KATNIP: variants seen among roughly 807,000 people sequenced by gnomAD.
The protein encoded by KATNIP is katanin interacting protein, also known as katanin-interacting protein.
Under a neutral mutation model 174.0 loss-of-function variants are expected in KATNIP, and 126 were observed. The observed-to-expected ratio is 0.72, with a 90% CI of 0.63 to 0.84. The LOEUF (loss-of-function observed/expected upper bound fraction) is 0.84, where lower values mean the gene tolerates loss of function less well. Among genes scored for constraint, KATNIP ranks in the 40% least tolerant of loss-of-function variants. The probability of loss-of-function intolerance (pLI) is 0.00; values close to 1 mark genes in which losing one functional copy is unlikely to be tolerated. For missense variants in KATNIP, 1,958 were observed against 2,109.7 expected, an observed-to-expected ratio of 0.93 and a Z score of 1.41; for synonymous variants, 810 against 835.7, an observed-to-expected ratio of 0.97 and a Z score of 0.53.
chr16:27,624,735 G>A (rs2142109896), intron 3 of KATNIP, among the ~76,000 whole-genome samples: 1 of 152,216 alleles, frequency 6.6e-6, no homozygotes, highest in African/African-American at 2.4e-5. Context: ...TGGGAGGATT[G>A]CTTGAGCCCA....
rs750894792 is a variant in KATNIP, at chr16:27,662,049, CATAT to C, written c.540+13334_540+13337del. ...ATATATATATATATATATACACATA[CATAT>C]ATATATATATATATATATACACACA... is the stretch of plus-strand genomic sequence containing the variant. On this transcript the variant is annotated intron_variant, in intron 6 of 27. Transcript: ENST00000261588. 3.0e-3 allele frequency among the ~76,000 whole-genome samples: 26 copies of C among 8,624 alleles called. 5 individuals are homozygous for C. Among genetic ancestry groups the C allele is most frequent in the Non-Finnish European group, 4.0e-3 (19 of 4,718 alleles). The allele number at this position is 8,624 out of a possible 152,430, so 5.7% of individuals were successfully genotyped here. A position where few individuals can be genotyped will look rare whatever the true frequency, so the allele number is the denominator to read the frequency against.
chr16:27,738,861 C>T (rs867774009), intron 14 of KATNIP, among the ~76,000 whole-genome samples: 19 of 152,272 alleles, frequency 1.2e-4, no homozygotes, highest in African/African-American at 4.1e-4. Context: ...GGTGCTCTGC[C>T]GTGGGAGCAC....
At chr16:27,668,435 C>CA (rs2077764395) in intron 6 of KATNIP, among the ~76,000 whole-genome samples, 1 of 152,190 alleles carries the variant, frequency 6.6e-6, no homozygotes, top group Non-Finnish European at 1.5e-5. Flanking sequence ...TGCCTACTGC[C>CA]ATCCATGTAA....
Position 27,701,584 on chromosome 16 carries a change from C to A in KATNIP, c.1180-5C>A. On this transcript the variant is annotated splice_region_variant and splice_polypyrimidine_tract_variant and intron_variant, in intron 10 of 27. Coordinates refer to ENST00000261588, the MANE Select transcript of KATNIP (RefSeq NM_015202.5). ...CATCTGTTTAATAAGCCTTTCCATC[C>A]TCAGCTGCTTCCCATCACCACGGCG... 1.3e-6 allele frequency: 2 copies of A among 1,577,970 alleles called. No individual in the cohort carries two copies. Among genetic ancestry groups the A allele is most frequent in the Admixed American group, 1.8e-5 (1 of 55,006 alleles).
chr16:27,664,995 G>A lies in KATNIP; in HGVS notation c.541-12734G>A, dbSNP rs76298522. Among the ~76,000 whole-genome samples, 1,501 of 152,152 alleles carry A rather than the reference G, an allele frequency of 9.9e-3. 31 individuals are homozygous for A. Among genetic ancestry groups the A allele is most frequent in the African/African-American group, 0.034 (1,400 of 41,504 alleles). ...ATATTAAGTAAGGGGCAGCAGAGAGGCTCACCCGTAGGCTGAAGCCAGGGG... is the reference window on the plus strand; with the variant it reads ...ATATTAAGTAAGGGGCAGCAGAGAGACTCACCCGTAGGCTGAAGCCAGGGG... On this transcript the variant is annotated intron_variant, in intron 6 of 27. Coordinates refer to ENST00000261588, the MANE Select transcript of KATNIP (RefSeq NM_015202.5).
chr16:27,647,104 G>C (rs2076979572), intron 5 of KATNIP, among the ~76,000 whole-genome samples: 1 of 150,632 alleles, frequency 6.6e-6, no homozygotes, highest in Non-Finnish European at 1.5e-5. Flanking sequence ...TGGAACTACA[G>C]GCAGTAGAAG....
chr16:27,703,134 T>G (rs148650707), intron 11 of KATNIP, among the ~76,000 whole-genome samples: 1,784 of 150,420 alleles, frequency 0.012, 47 homozygotes, highest in African/African-American at 0.041. Context: ...GCCATTGCAC[T>G]CCAGCCTGGG....
intron 3 of KATNIP, among the ~76,000 whole-genome samples, chr16:27,622,167 T>C (rs114383201): frequency 0.022 from 3,323 of 152,058 alleles, 140 homozygotes; most frequent in African/African-American, 0.076. Flanking sequence ...ATGGGGGAGA[T>C]TCCTGGCCAG....
At position 27,637,552 on chromosome 16, in the gene KATNIP, G is replaced by A. The variant is rs2076673779; in HGVS notation, c.408+6390G>A. On this transcript the variant is annotated intron_variant, in intron 5 of 27. Transcript: ENST00000261588. This position sits in a 1 kb window ranked among gnomAD's most constrained non-coding sequence, Gnocchi z 4.7. ...GCACAGCCTCCCAAGGGGCCGCATCGCAGCCAGGGCCTGAGAGTTACCTGG... is the reference window on the plus strand; with the variant it reads ...GCACAGCCTCCCAAGGGGCCGCATCACAGCCAGGGCCTGAGAGTTACCTGG... 6.6e-6 allele frequency among the ~76,000 whole-genome samples: 1 copy of A among 152,298 alleles called. No individual in the cohort carries two copies. Among genetic ancestry groups the A allele is most frequent in the East Asian group, 1.9e-4 (1 of 5,164 alleles).
chr16:27,758,911 G>C (rs1455446311), intron 18 of KATNIP, among the ~76,000 whole-genome samples: 2 of 152,180 alleles, frequency 1.3e-5, no homozygotes, highest in Admixed American at 6.5e-5. Context: ...AGCTTCTTGA[G>C]TTCAGAGATT....
chr16:27,765,584 G>A (rs947445812), intron 19 of KATNIP, among the ~76,000 whole-genome samples: 4 of 152,148 alleles, frequency 2.6e-5, no homozygotes, highest in African/African-American at 9.7e-5. Flanking sequence ...TGGTGCTTTT[G>A]TACCTCTCTC....
At chr16:27,565,435 C>T (rs1254510832) in intron 1 of KATNIP, among the ~76,000 whole-genome samples, 1 of 145,438 alleles carries the variant, frequency 6.9e-6, no homozygotes, top group African/African-American at 2.6e-5. Context: ...CACTGCACTC[C>T]AGCCTGGGCG....
chr16:27,554,208 A>G (rs2089514164), intron 1 of KATNIP, among the ~76,000 whole-genome samples: 1 of 152,066 alleles, frequency 6.6e-6, no homozygotes, highest in Admixed American at 6.6e-5. Context: ...TCACGCCTGT[A>G]ATCCCAGCAC....
In KATNIP at chr16:27,750,488, T is replaced by C. The variant is rs537985145; in HGVS notation, c.3346+182T>C. 1.1e-3 allele frequency among the ~76,000 whole-genome samples: 160 copies of C among 151,044 alleles called. 2 individuals are homozygous for C. The highest frequency in any genetic ancestry group is 3.8e-3 in the African/African-American group (155 of 41,198). On this transcript the variant is annotated intron_variant, in intron 16 of 27. Transcript: ENST00000261588. Reference sequence around the variant, plus strand: ...AGGCTGGAGTGCAGTGGCGCGATCTTGGCTCACTGCAAGATCCGCCTCCCG... The same window carrying C: ...AGGCTGGAGTGCAGTGGCGCGATCTCGGCTCACTGCAAGATCCGCCTCCCG...
Position 27,708,888 on chromosome 16 carries a change from G to A in KATNIP, c.1573G>A (p.Glu525Lys). Residue 525 changes from glutamate to lysine, a missense_variant, in exon 13 of 28, where the codon GAG (glutamate) becomes AAG (lysine). Glu to Lys is a moderately conservative substitution (Grantham distance 56, BLOSUM62 1). This residue lies in a region of KATNIP where 1,557 missense variants were observed against 1,617.8 expected (regional missense o/e 0.96). Transcript: ENST00000261588. ...VDIRNTATPG[E>K]LGRLVNRNLA... ...TATCCGGAACACAGCCACGCCTGGG[G>A]AGCTGGGCCGCCTCGTCAACAGGAA... The A allele has an allele frequency of 6.2e-7, 1 of 1,613,544 alleles. No individual in the cohort carries two copies. Among genetic ancestry groups the A allele is most frequent in the Non-Finnish European group, 8.5e-7 (1 of 1,179,918 alleles).
At chr16:27,598,014 G>A (rs1336465710) in intron 2 of KATNIP, among the ~76,000 whole-genome samples, 1 of 152,116 alleles carries the variant, frequency 6.6e-6, no homozygotes, top group Non-Finnish European at 1.5e-5. Flanking sequence ...GATCGTCTGA[G>A]CTCGGAAGTT....
rs569876508 is a variant in KATNIP at position 27,710,691 on chromosome 16, A to G, written c.1605+1771A>G. 9.2e-5 allele frequency among the ~76,000 whole-genome samples: 14 copies of G among 152,256 alleles called. No individual in the cohort carries two copies. The East Asian group carries it at 2.3e-3, about 25-fold the overall frequency. On this transcript the variant is annotated intron_variant, in intron 13 of 27. Transcript: ENST00000261588. ...TAATTTTGTAAAATTTTTTATAGAG[A>G]CGGGGTCTCACTATGTTACCTGGGA...
intron 19 of KATNIP, among the ~76,000 whole-genome samples, chr16:27,761,965 C>T (rs79546400): frequency 0.037 from 5,617 of 152,282 alleles, 154 homozygotes; most frequent in Admixed American, 0.083. Flanking sequence ...CCAGGCCTCC[C>T]GGGGGCTGAA....
chr16:27,663,014 T>A (rs910087920), intron 6 of KATNIP, among the ~76,000 whole-genome samples: 4 of 152,134 alleles, frequency 2.6e-5, no homozygotes, highest in East Asian at 1.9e-4. Flanking sequence ...TTATTTATTT[T>A]TTTTTCAGCT....
Sources: gnomAD v4.1 joint callset for allele counts (sites outside exome capture counted in the v4.1 genomes callset) on GRCh38, gnomAD v4.1.1 for gene constraint, gnomAD v4.1.1 regional missense constraint, Gnocchi (gnomAD v3.1) non-coding constraint, MANE v1.5 for transcripts, NCBI Gene and HGNC (gene_info 2026-07-23, HGNC 2026-07-21) for gene names.